Variants in SLC25A21 observed in about 807,000 individuals in gnomAD.
The protein encoded by SLC25A21 is solute carrier family 25 member 21.
In SLC25A21, 47 loss-of-function variants were observed where a neutral mutation model predicts 43.8. The observed-to-expected ratio is 1.07, with a 90% CI of 0.85 to 1.37. The LOEUF (loss-of-function observed/expected upper bound fraction) is 1.37. Ranked by LOEUF, SLC25A21 falls within the 40% of genes most tolerant of loss-of-function variation. The probability of loss-of-function intolerance (pLI) is 0.00; values close to 1 mark genes in which losing one functional copy is unlikely to be tolerated. For missense variants in SLC25A21, 352 were observed against 350.2 expected (o/e 1.00, Z -0.04); for synonymous variants, 131 against 121.3 (o/e 1.08, Z -0.52).
chr14:37,001,299 A>T (rs1960483720), intron 1 of SLC25A21, among the ~76,000 whole-genome samples: 1 of 152,160 alleles, frequency 6.6e-6, no homozygotes, highest in Non-Finnish European at 1.5e-5. Flanking sequence ...ATTAAATGCC[A>T]GGCCCTTTAA....
At position 36,698,242 on chromosome 14, in the gene SLC25A21, C is replaced by T. The variant is rs1320744885; in HGVS notation, c.603+13076G>A. On this transcript the variant is annotated intron_variant, in intron 7 of 9. Transcript: ENST00000331299. ...TCTTTAAGAATGTTGAATATTGGCT[C>T]CCACTCTCTTCTGGCTTGTAGGTTT... Among the ~76,000 whole-genome samples the T allele has an allele frequency of 2.6e-5, 4 of 152,262 alleles. No individual in the cohort carries two copies. The East Asian group carries it at 7.7e-4, about 29-fold the overall frequency.
chr14:36,804,163 T>C (rs1887960147), intron 3 of SLC25A21, among the ~76,000 whole-genome samples: 1 of 152,238 alleles, frequency 6.6e-6, no homozygotes, highest in African/African-American at 2.4e-5. Context: ...CTAAACCCCT[T>C]TCTGCTGAAG....
intron 1 of SLC25A21, among the ~76,000 whole-genome samples, chr14:36,947,669 C>T (rs1023886114): frequency 5.9e-5 from 9 of 152,086 alleles, no homozygotes; most frequent in African/African-American, 2.2e-4. Context: ...TACTTTTGTG[C>T]CATTGAAACC....
chr14:37,040,368 AG>A lies in SLC25A21; in HGVS notation c.70+131912del, dbSNP rs1566835301. 9.5e-3 allele frequency among the ~76,000 whole-genome samples: 386 copies of A among 40,482 alleles called. 105 individuals are homozygous for A. The highest frequency in any genetic ancestry group is 0.063 in the African/African-American group (158 of 2,496). 26.6% of individuals were successfully genotyped at this position (40,482 alleles called of 152,430 possible). A position where few individuals can be genotyped will look rare whatever the true frequency, so the allele number is the denominator to read the frequency against. ...AGGAAGGAAGGAAAGAAAGAGAGAG[AG>A]AGAGAGAAAGAAAGAAAGAAAGAAA... On this transcript the variant is annotated intron_variant, in intron 1 of 9. Coordinates refer to ENST00000331299, the MANE Select transcript of SLC25A21 (RefSeq NM_030631.4).
chr14:36,710,355 A>G (rs1326868073), intron 7 of SLC25A21, among the ~76,000 whole-genome samples: 2 of 151,896 alleles, frequency 1.3e-5, no homozygotes, highest in Admixed American at 1.3e-4. Context: ...CCTGGGTGAC[A>G]AGAGTGAAAC....
intron 1 of SLC25A21, among the ~76,000 whole-genome samples, chr14:37,068,426 TG>T (rs760315447): frequency 2.6e-4 from 39 of 152,202 alleles, no homozygotes; most frequent in Middle Eastern, 3.4e-3. Context: ...CAAGGTATGA[TG>T]ATTTTTTTTG....
intron 2 of SLC25A21, among the ~76,000 whole-genome samples, chr14:36,836,335 T>C (rs916383508): frequency 1.3e-5 from 2 of 152,340 alleles, no homozygotes; most frequent in East Asian, 1.9e-4. Flanking sequence ...AGGAATCTTA[T>C]AGGAAAGCAA....
At chr14:36,981,516 G>C (rs1254978367) in intron 1 of SLC25A21, among the ~76,000 whole-genome samples, 4 of 152,154 alleles carry the variant, frequency 2.6e-5, no homozygotes, top group Non-Finnish European at 5.9e-5. Context: ...CCATAAAAAA[G>C]GATAAGTTCA....
chr14:36,849,928 C>A (rs1889671123), intron 2 of SLC25A21, among the ~76,000 whole-genome samples: 1 of 152,112 alleles, frequency 6.6e-6, no homozygotes, highest in Non-Finnish European at 1.5e-5. Flanking sequence ...CTATTCAAAT[C>A]TTTATCGTTC....
intron 1 of SLC25A21, among the ~76,000 whole-genome samples, chr14:37,129,460 C>T (rs1963355882): frequency 6.6e-6 from 1 of 152,072 alleles, no homozygotes. Flanking sequence ...TCCCGATTTA[C>T]CCAGTGTTCC....
intron 3 of SLC25A21, among the ~76,000 whole-genome samples, chr14:36,768,586 G>T (rs954734959): frequency 2.0e-5 from 3 of 152,092 alleles, no homozygotes; most frequent in Non-Finnish European, 4.4e-5. Context: ...GCCACAAATT[G>T]CTTTCAGCTG....
chr14:36,824,824 G>T (rs1395765922), intron 2 of SLC25A21, among the ~76,000 whole-genome samples: 1 of 57,106 alleles, frequency 1.8e-5, no homozygotes, highest in African/African-American at 5.8e-5. Flanking sequence ...AAAAAAAAAA[G>T]CCCTCAAGGA....
Position 36,877,736 on chromosome 14 carries a change from G to A in SLC25A21, c.71-2732C>T, listed in dbSNP as rs543139584. Among the ~76,000 whole-genome samples, 8 of 44,638 alleles carry A rather than the reference G, an allele frequency of 1.8e-4. No homozygotes were observed. The South Asian group carries it at 6.4e-3, about 36-fold the overall frequency. The allele number at this position is 44,638 out of a possible 152,430, so 29.3% of individuals were successfully genotyped here. ...AGGCATGGAGGAAAGATATTGCACA[G>A]AAAAAAGAAGAAAAGAGGCAAGAAG... On this transcript the variant is annotated intron_variant, in intron 1 of 9. Coordinates refer to ENST00000331299, the MANE Select transcript of SLC25A21 (RefSeq NM_030631.4).
intron 3 of SLC25A21, among the ~76,000 whole-genome samples, chr14:36,797,333 G>A (rs1257922658): frequency 6.6e-6 from 1 of 152,082 alleles, no homozygotes; most frequent in Non-Finnish European, 1.5e-5. Context: ...ATCTAATGCT[G>A]TTGATATGTG....
At chr14:37,035,565 G>C (rs1961309534) in intron 1 of SLC25A21, among the ~76,000 whole-genome samples, 1 of 152,228 alleles carries the variant, frequency 6.6e-6, no homozygotes, top group Non-Finnish European at 1.5e-5. Context: ...TTGACCTTTG[G>C]CAGGAGGCTG....
At chr14:36,914,354 T>C (rs17105679) in intron 1 of SLC25A21, among the ~76,000 whole-genome samples, 1,698 of 152,290 alleles carry the variant, frequency 0.011, 31 homozygotes, top group African/African-American at 0.038. Context: ...AGGTAAACTC[T>C]GACAGCTGAA....
chr14:37,088,916 C>T (rs764659901), intron 1 of SLC25A21, among the ~76,000 whole-genome samples: 1 of 152,178 alleles, frequency 6.6e-6, no homozygotes, highest in Non-Finnish European at 1.5e-5. Flanking sequence ...CAGAACCACA[C>T]AGAATTTTGT....
At chr14:36,738,267 A>G (rs1885122468) in intron 3 of SLC25A21, among the ~76,000 whole-genome samples, 1 of 152,244 alleles carries the variant, frequency 6.6e-6, no homozygotes, top group Non-Finnish European at 1.5e-5. Context: ...TATTATATGC[A>G]GCTTTCTAGA....
chr14:37,164,652 T>A (rs1964001893), intron 1 of SLC25A21, among the ~76,000 whole-genome samples: 1 of 152,202 alleles, frequency 6.6e-6, no homozygotes, highest in Admixed American at 6.5e-5. Context: ...TATTAAGGCA[T>A]CTATTTTAAC....
Sources: allele counts gnomAD v4.1 joint callset (sites outside exome capture counted in the v4.1 genomes callset), GRCh38; gene constraint gnomAD v4.1.1; transcripts MANE v1.5; gene names NCBI Gene and HGNC (gene_info 2026-07-23, HGNC 2026-07-21).